CDYL: variants seen among roughly 807,000 people sequenced by gnomAD.
CDYL encodes chromodomain Y like.
A neutral mutation model predicts 47.3 loss-of-function variants in CDYL; 8 were observed. The ratio of observed to expected loss-of-function variants is 0.17; its 90% CI spans 0.10 to 0.31. CDYL has a LOEUF of 0.31. Among genes scored for constraint, CDYL ranks in the 10% least tolerant of loss-of-function variants. The pLI is 1.00. For missense variants in CDYL, 471 were observed against 701.4 expected, an observed-to-expected ratio of 0.67 and a Z score of 3.71; for synonymous variants, 266 against 265.0, an observed-to-expected ratio of 1.00 and a Z score of -0.04.
intron 2 of CDYL, among the ~76,000 whole-genome samples, chr6:4,723,232 T>G (rs1318219548): frequency 6.6e-6 from 1 of 152,142 alleles, no homozygotes; most frequent in African/African-American, 2.4e-5. Context: ...TTAGCGATGA[T>G]TTAGAGTACA....
At chr6:4,724,907 C>G (rs1259093753) in intron 2 of CDYL, 1 of 152,178 alleles carries the variant, frequency 6.6e-6, no homozygotes, top group South Asian at 2.1e-4. Flanking sequence ...GGGCAGCCTG[C>G]TTTTATTCTC....
At chr6:4,824,350 C>A (rs1464510350) in intron 1 of CDYL, among the ~76,000 whole-genome samples, 1 of 152,100 alleles carries the variant, frequency 6.6e-6, no homozygotes, top group Non-Finnish European at 1.5e-5. Flanking sequence ...AATGACCACA[C>A]CATTTTACAT....
At chr6:4,798,178 T>C (rs1418106404) in intron 1 of CDYL, among the ~76,000 whole-genome samples, 1 of 152,026 alleles carries the variant, frequency 6.6e-6, no homozygotes, top group East Asian at 1.9e-4. Flanking sequence ...TCACCGTGTT[T>C]CCCTGGCTGG....
At chr6:4,916,106 C>T (rs1757549971) in intron 2 of CDYL, among the ~76,000 whole-genome samples, 2 of 152,130 alleles carry the variant, frequency 1.3e-5, no homozygotes, top group South Asian at 4.1e-4. Flanking sequence ...TTCTGTATTC[C>T]TAAAATGTCT....
intron 1 of CDYL, among the ~76,000 whole-genome samples, chr6:4,883,761 A>G (rs572941132): frequency 7.3e-4 from 111 of 152,302 alleles, no homozygotes; most frequent in Middle Eastern, 6.8e-3. Context: ...TCCAGGACCA[A>G]TGCAACACTG....
intron 1 of CDYL, among the ~76,000 whole-genome samples, chr6:4,851,018 C>T (rs1039498590): frequency 2.6e-5 from 4 of 152,116 alleles, no homozygotes; most frequent in East Asian, 1.9e-4. Context: ...CTGTGGCTCT[C>T]GACTGACTAG....
intron 1 of CDYL, among the ~76,000 whole-genome samples, chr6:4,794,666 A>C (rs1185871186): frequency 6.6e-6 from 1 of 152,176 alleles, no homozygotes; most frequent in Admixed American, 6.5e-5. Flanking sequence ...ATCGAAGAGC[A>C]TGGGGTGCAT....
chr6:4,844,907 A>C (rs1242301160), intron 1 of CDYL, among the ~76,000 whole-genome samples: 2 of 152,226 alleles, frequency 1.3e-5, no homozygotes, highest in African/African-American at 4.8e-5. Flanking sequence ...ATAATTTTGC[A>C]AGACAAAAAA....
intron 1 of CDYL, among the ~76,000 whole-genome samples, chr6:4,831,336 A>G (rs926551015): frequency 6.6e-6 from 1 of 152,172 alleles, no homozygotes. Flanking sequence ...TAAATAGGGA[A>G]TCCTTTCCCC....
chr6:4,944,963 T>G (rs758575010), intron 5 of CDYL, among the ~76,000 whole-genome samples: 5 of 152,130 alleles, frequency 3.3e-5, no homozygotes, highest in Non-Finnish European at 5.9e-5. Context: ...AGTCTCATCA[T>G]GAGGAACGTC....
chr6:4,792,476 G>T (rs533840120), intron 1 of CDYL, among the ~76,000 whole-genome samples: 11 of 148,998 alleles, frequency 7.4e-5, no homozygotes, highest in Non-Finnish European at 1.3e-4. Context: ...CTGTTGCCCA[G>T]GCTGGAGTGC....
intron 4 of CDYL, among the ~76,000 whole-genome samples, chr6:4,938,230 G>T (rs1021268554): frequency 7.5e-5 from 9 of 120,748 alleles, no homozygotes; most frequent in Non-Finnish European, 1.2e-4. Flanking sequence ...GGTTTTTTTT[G>T]TTGTTTTTTT....
chr6:4,829,249 T>A (rs934857007), intron 1 of CDYL, among the ~76,000 whole-genome samples: 20 of 152,170 alleles, frequency 1.3e-4, no homozygotes, highest in Admixed American at 4.6e-4. Flanking sequence ...TTGTTGTTGT[T>A]GTTGAAGGCT....
chr6:4,792,994 T>G (rs1758967216), intron 1 of CDYL, among the ~76,000 whole-genome samples: 1 of 152,170 alleles, frequency 6.6e-6, no homozygotes, highest in Non-Finnish European at 1.5e-5. Context: ...TAGGGCAGTT[T>G]CTTCTGTTCA....
At chr6:4,706,401 G>A (rs890174773) in intron 1 of CDYL, 1 of 152,056 alleles carries the variant, frequency 6.6e-6, no homozygotes, top group Non-Finnish European at 1.5e-5. Context: ...AAGAGCTCTG[G>A]GTTCTGTAAC....
chr6:4,773,197 T>C, upstream of CDYL: 3 of 457,434 alleles, frequency 6.6e-6, 1 homozygote, highest in South Asian at 4.6e-5. The surrounding 1 kb of genome is among the most constrained non-coding windows in gnomAD (Gnocchi z 4.6). Flanking sequence ...CGTTTATTGC[T>C]GGTAGACGTG....
At chr6:4,723,895 T>C (rs1757424960) in intron 2 of CDYL, among the ~76,000 whole-genome samples, 1 of 152,172 alleles carries the variant, frequency 6.6e-6, no homozygotes, top group Non-Finnish European at 1.5e-5. Context: ...TAAATCAAAA[T>C]CAAGTTATTC....
rs1396431038 is a variant in CDYL at position 4,905,314 on chromosome 6, C to G, written c.691+12935C>G. On this transcript the variant is annotated intron_variant, in intron 2 of 6. Coordinates refer to ENST00000397588, the MANE Select transcript of CDYL (RefSeq NM_004824.4). ...CTGTGTTCATTGGTCTTTGACACTC[C>G]GTCAACCAACTTAGCGGGGTTGACC... Among the ~76,000 whole-genome samples, 2 of 152,260 alleles carry G rather than the reference C, an allele frequency of 1.3e-5. 1 individual carries two copies. Among genetic ancestry groups the G allele is most frequent in the African/African-American group, 4.8e-5 (2 of 41,564 alleles).
At chr6:4,833,338 G>A (rs1760202058) in intron 1 of CDYL, among the ~76,000 whole-genome samples, 3 of 151,334 alleles carry the variant, frequency 2.0e-5, no homozygotes, top group Admixed American at 2.0e-4. Context: ...GTCCCCAGTA[G>A]TCATTCAGGA....
Sources: allele counts gnomAD v4.1 joint callset (sites outside exome capture counted in the v4.1 genomes callset), GRCh38; gene constraint gnomAD v4.1.1; non-coding constraint Gnocchi (gnomAD v3.1); transcripts MANE v1.5; gene names NCBI Gene and HGNC (gene_info 2026-07-23, HGNC 2026-07-21).